Variants in CEP112 observed in about 807,000 individuals in gnomAD.
CEP112 encodes centrosomal protein 112.
CEP112 carries 127 observed loss-of-function variants against 153.0 expected under a neutral mutation model. The observed-to-expected ratio is 0.83, with a 90% CI of 0.72 to 0.96. CEP112 has a LOEUF of 0.96. Ranked by LOEUF, CEP112 falls within the 40% of genes least tolerant of loss-of-function variation. The probability of loss-of-function intolerance (pLI) is 0.00; values close to 1 mark genes in which losing one functional copy is unlikely to be tolerated. For synonymous variants in CEP112, 358 were observed against 374.4 expected, an observed-to-expected ratio of 0.96 and a Z score of 0.51; for missense variants, 1,089 against 1,101.2, an observed-to-expected ratio of 0.99 and a Z score of 0.16.
intron 12 of CEP112, among the ~76,000 whole-genome samples, 196 bp from the exon 13 acceptor site, chr17:66,030,219 A>T (rs770945736): frequency 9.2e-5 from 14 of 152,344 alleles, no homozygotes; most frequent in Middle Eastern, 3.4e-3. Flanking sequence ...CAGAAAAATA[A>T]GAACATCACA....
intron 20 of CEP112, among the ~76,000 whole-genome samples, chr17:65,880,273 A>G (rs1466129694): frequency 6.6e-6 from 1 of 152,150 alleles, no homozygotes; most frequent in African/African-American, 2.4e-5. Context: ...TTGATTTCCA[A>G]TCTTACCTTA....
rs1031368562 is a variant in CEP112, at chr17:66,142,454, C to T, written c.471-9691G>A. On this transcript the variant is annotated intron_variant, in intron 4 of 26. Transcript: ENST00000535342. ...CCAATGTCAAGAAGCTTTCCCCCTA[C>T]GTTTTCTTCTAGTCGTTTACAGTTT... 9.9e-5 allele frequency among the ~76,000 whole-genome samples: 15 copies of T among 152,262 alleles called. 1 individual carries two copies. The highest frequency in any genetic ancestry group is 8.3e-4 in the South Asian group (4 of 4,830).
At chr17:66,103,246 C>G (rs926105112) in intron 6 of CEP112, among the ~76,000 whole-genome samples, 1 of 149,750 alleles carries the variant, frequency 6.7e-6, no homozygotes, top group African/African-American at 2.4e-5. Context: ...CCATGAAAAA[C>G]TGAAAGCATT....
intron 21 of CEP112, among the ~76,000 whole-genome samples, chr17:65,815,523 T>C (rs182333759): frequency 1.4e-4 from 21 of 152,208 alleles, no homozygotes; most frequent in Non-Finnish European, 2.2e-4. Context: ...TAGAGCCAGC[T>C]TGTCAAATTC....
intron 16 of CEP112, among the ~76,000 whole-genome samples, chr17:66,016,436 T>A (rs2064776661): frequency 6.6e-6 from 1 of 152,156 alleles, no homozygotes; most frequent in Non-Finnish European, 1.5e-5. Flanking sequence ...CTCTCAGAGA[T>A]ACAGCTAAAA....
chr17:65,969,627 G>A (rs1387741462), intron 17 of CEP112, among the ~76,000 whole-genome samples: 4 of 152,172 alleles, frequency 2.6e-5, no homozygotes, highest in South Asian at 2.1e-4. Flanking sequence ...CGCATGCACT[G>A]CACACATATT....
intron 4 of CEP112, among the ~76,000 whole-genome samples, chr17:66,142,887 C>T (rs1016690924): frequency 2.0e-5 from 3 of 151,912 alleles, no homozygotes; most frequent in African/African-American, 7.3e-5. Context: ...TGAAAAAAGC[C>T]GTTGGAGTTT....
At chr17:65,893,342 C>T (rs559522591) in intron 20 of CEP112, among the ~76,000 whole-genome samples, 1 of 152,176 alleles carries the variant, frequency 6.6e-6, no homozygotes, top group South Asian at 2.1e-4. Context: ...GACTTCATAC[C>T]TAAGCAAAAC....
chr17:66,035,009 T>TATA (rs1182260599), intron 12 of CEP112, among the ~76,000 whole-genome samples: 1 of 61,312 alleles, frequency 1.6e-5, no homozygotes, highest in African/African-American at 7.1e-5. Flanking sequence ...TATATATATA[T>TATA]TTTTTTTTTT....
chr17:66,005,708 T>G lies in CEP112; in HGVS notation c.1718A>C (p.Lys573Thr). ...GKEDTQKKIH[K>T]FEEALKEKEE... Reference sequence around the variant, plus strand: ...TACTCACTTCAAAGCTTCCTCAAATTTATGAATTTTCTTTTGAGTATCTTC... The same window carrying G: ...TACTCACTTCAAAGCTTCCTCAAATGTATGAATTTTCTTTTGAGTATCTTC... Residue 573 changes from lysine (K) to threonine (T), a missense_variant, in exon 17 of 27, where the codon AAA becomes ACA. By Grantham distance (78) the Lys-to-Thr change is moderately conservative. Transcript: ENST00000535342. 1 of 1,610,364 alleles carries G rather than the reference T, an allele frequency of 6.2e-7. No homozygotes were observed.
intron 23 of CEP112, among the ~76,000 whole-genome samples, chr17:65,706,921 A>G (rs528150750): frequency 2.0e-5 from 3 of 152,168 alleles, no homozygotes; most frequent in Non-Finnish European, 4.4e-5. Flanking sequence ...TACCACCCAC[A>G]TGATCTATCA....
intron 21 of CEP112, among the ~76,000 whole-genome samples, chr17:65,844,794 T>A (rs2057664085): frequency 6.6e-6 from 1 of 151,276 alleles, no homozygotes; most frequent in Non-Finnish European, 1.5e-5. Flanking sequence ...GGTGGGCGGA[T>A]CACGAGGTCA....
At chr17:66,127,909 CT>C (rs1438824394) in intron 6 of CEP112, among the ~76,000 whole-genome samples, 1 of 152,172 alleles carries the variant, frequency 6.6e-6, no homozygotes, top group Admixed American at 6.5e-5. Context: ...TCAGTTCAGC[CT>C]TTCAATCAGT....
intron 23 of CEP112, among the ~76,000 whole-genome samples, chr17:65,741,996 T>A: frequency 1.4e-5 from 2 of 147,180 alleles, no homozygotes; most frequent in Non-Finnish European, 1.5e-5. Flanking sequence ...ATAGGAAAAA[T>A]GTCATTAAAA....
chr17:65,799,628 G>T (rs575660452), intron 21 of CEP112, among the ~76,000 whole-genome samples: 100 of 152,310 alleles, frequency 6.6e-4, no homozygotes, highest in African/African-American at 2.4e-3. Context: ...CTGCCCTTAG[G>T]CAAGTCCTAA....
At position 66,158,595 on chromosome 17, in the gene CEP112, G is replaced by C. The variant is rs185300646; in HGVS notation, c.470+16449C>G. ...CCACTGCACTCCAGCCTGGATGACAGAGCGAGACTCCATCTCAAAAAAATA... is the reference window on the plus strand; with the variant it reads ...CCACTGCACTCCAGCCTGGATGACACAGCGAGACTCCATCTCAAAAAAATA... On this transcript the variant is annotated intron_variant, in intron 4 of 26. Transcript: ENST00000535342. 1.1e-3 allele frequency among the ~76,000 whole-genome samples: 167 copies of C among 151,966 alleles called. 1 individual carries two copies. Among genetic ancestry groups the C allele is most frequent in the Admixed American group, 2.9e-3 (44 of 15,266 alleles).
At chr17:66,185,814 C>T (rs995050060) in intron 1 of CEP112, among the ~76,000 whole-genome samples, 2 of 152,212 alleles carry the variant, frequency 1.3e-5, no homozygotes, top group African/African-American at 4.8e-5. Context: ...GCCTCATAAG[C>T]TATCTTGCTC....
At chr17:65,888,499 CT>C (rs36045801) in intron 20 of CEP112, among the ~76,000 whole-genome samples, 40 of 149,956 alleles carry the variant, frequency 2.7e-4, no homozygotes, top group African/African-American at 5.9e-4. Context: ...TTAAGATGAT[CT>C]TTTTTTTTTA....
At chr17:66,065,270 T>G (rs1171778412) in intron 10 of CEP112, among the ~76,000 whole-genome samples, 2 of 152,190 alleles carry the variant, frequency 1.3e-5, no homozygotes, top group Non-Finnish European at 2.9e-5. Flanking sequence ...ATATATTATT[T>G]ATTCTGATCT....
Sources: allele counts gnomAD v4.1 joint callset (sites outside exome capture counted in the v4.1 genomes callset), GRCh38; gene constraint gnomAD v4.1.1; transcripts MANE v1.5; gene names NCBI Gene and HGNC (gene_info 2026-07-23, HGNC 2026-07-21).